Variants in STAT5B observed in about 807,000 individuals in gnomAD.
The protein encoded by STAT5B is transcription factor STAT5B.
A neutral mutation model predicts 107.8 loss-of-function variants in STAT5B; 21 were observed. The observed-to-expected ratio is 0.19, with a 90% confidence interval of 0.14 to 0.28. The LOEUF (loss-of-function observed/expected upper bound fraction) is 0.28, where lower values mean the gene tolerates loss of function less well. Among genes scored for constraint, STAT5B ranks in the 10% least tolerant of loss-of-function variants. The pLI, the probability that STAT5B is intolerant of heterozygous loss-of-function variation, is 1.00. For synonymous variants in STAT5B, 325 were observed against 401.7 expected (o/e 0.81, Z 2.28); for missense variants, 565 against 1,008.2 (o/e 0.56, Z 5.95).
At chr17:42,216,127 G>C (rs1220876899) in intron 11 of STAT5B, 21 bp from the exon 12 acceptor site, 2 of 1,605,874 alleles carry the variant, frequency 1.2e-6, no homozygotes, top group East Asian at 2.2e-5. Flanking sequence ...ACAAGAGAAG[G>C]CTGAGCGCCC....
intron 1 of STAT5B, among the ~76,000 whole-genome samples, chr17:42,239,947 G>A (rs975798095): frequency 2.6e-5 from 4 of 152,132 alleles, no homozygotes; most frequent in Admixed American, 6.5e-5. Flanking sequence ...CCAACATGGC[G>A]AAACCCCATC....
chr17:42,262,883 CATAT>C (rs563375027), intron 1 of STAT5B, among the ~76,000 whole-genome samples: 35 of 106,644 alleles, frequency 3.3e-4, no homozygotes, highest in East Asian at 1.5e-3. Flanking sequence ...TATATATACA[CATAT>C]ATATGTGTGT....
At chr17:42,259,305 G>A (rs1456965142) in intron 1 of STAT5B, among the ~76,000 whole-genome samples, 1 of 152,108 alleles carries the variant, frequency 6.6e-6, no homozygotes, top group Middle Eastern at 3.2e-3. Flanking sequence ...CCTGGCCAGA[G>A]AGGGCTTTTC....
At chr17:42,225,367 A>G (rs988428892) in intron 3 of STAT5B, among the ~76,000 whole-genome samples, 2 of 152,170 alleles carry the variant, frequency 1.3e-5, no homozygotes, top group African/African-American at 4.8e-5. Flanking sequence ...TCCGGGGAAC[A>G]TTCTTAAAAA....
intron 1 of STAT5B, among the ~76,000 whole-genome samples, chr17:42,245,913 C>T (rs1249019117): frequency 6.6e-6 from 1 of 152,216 alleles, no homozygotes; most frequent in Non-Finnish European, 1.5e-5. Context: ...CCCACCTCGG[C>T]CTCCCAAACT....
At chr17:42,203,582 G>T (rs1249230531) in intron 16 of STAT5B, among the ~76,000 whole-genome samples, 2 of 152,110 alleles carry the variant, frequency 1.3e-5, no homozygotes, top group Non-Finnish European at 2.9e-5. Flanking sequence ...GCCAGGAAAA[G>T]AAATGATTTA....
intron 1 of STAT5B, among the ~76,000 whole-genome samples, chr17:42,251,174 G>T (rs1259355572): frequency 6.6e-6 from 1 of 152,094 alleles, no homozygotes; most frequent in African/African-American, 2.4e-5. Flanking sequence ...GGGGGTGGGG[G>T]TTCACCTTCA....
At chr17:42,263,041 T>G (rs1226384634) in intron 1 of STAT5B, among the ~76,000 whole-genome samples, 1 of 128,696 alleles carries the variant, frequency 7.8e-6, no homozygotes, top group Non-Finnish European at 1.6e-5. Flanking sequence ...ATTTTTTTTT[T>G]TTTTTAAAGA....
chr17:42,220,709 G>A (rs964774682), intron 5 of STAT5B, among the ~76,000 whole-genome samples: 3 of 152,150 alleles, frequency 2.0e-5, no homozygotes, highest in African/African-American at 7.2e-5. Context: ...GAGGCCGAAG[G>A]GAGGCGGCTT....
chr17:42,201,670 A>G lies in STAT5B; in HGVS notation c.*68T>C. 3.8e-6 allele frequency: 4 copies of G among 1,043,694 alleles called. No individual in the cohort carries two copies. Among genetic ancestry groups the G allele is most frequent in the Non-Finnish European group, 6.1e-6 (4 of 659,002 alleles). The allele number at this position is 1,043,694 out of a possible 1,614,324, so 64.7% of individuals were successfully genotyped here. A position where few individuals can be genotyped will look rare whatever the true frequency, so the allele number is the denominator to read the frequency against. ...TTTCAAAAGAGAAGCGATTCATGGAATTAAAACATCCACAAGAGTGATTCC... is the reference window on the plus strand; with the variant it reads ...TTTCAAAAGAGAAGCGATTCATGGAGTTAAAACATCCACAAGAGTGATTCC... On this transcript the variant is annotated 3_prime_UTR_variant, in exon 19 of 19. Coordinates refer to ENST00000293328, the MANE Select transcript of STAT5B (RefSeq NM_012448.4).
chr17:42,226,003 C>T (rs775998150), intron 3 of STAT5B, among the ~76,000 whole-genome samples: 15 of 152,150 alleles, frequency 9.9e-5, no homozygotes, highest in Non-Finnish European at 2.1e-4. Flanking sequence ...GGCACGGTCT[C>T]GGCTCACTGC....
intron 1 of STAT5B, among the ~76,000 whole-genome samples, chr17:42,237,309 G>C (rs1252520501): frequency 6.6e-6 from 1 of 152,174 alleles, no homozygotes; most frequent in Non-Finnish European, 1.5e-5. Flanking sequence ...CCATAAAAAT[G>C]AATGTCCACC....
intron 12 of STAT5B, chr17:42,214,374 A>C: frequency 1.0e-6 from 1 of 985,358 alleles, no homozygotes; most frequent in Non-Finnish European, 1.2e-6. Flanking sequence ...CAGTTTCAAA[A>C]AGGAGCTTCT....
At position 42,223,505 on chromosome 17, in the gene STAT5B, G is replaced by T; in HGVS notation, c.427C>A (p.Gln143Lys). 6.2e-7 allele frequency: 1 copy of T among 1,614,160 alleles called. No homozygotes were observed. The highest frequency in any genetic ancestry group is 8.5e-7 in the Non-Finnish European group (1 of 1,180,032). Residue 143 changes from glutamine (Q) to lysine (K), a missense_variant, in exon 5 of 19, where the codon CAG (glutamine) becomes AAG (lysine). Coordinates refer to ENST00000293328, the MANE Select transcript of STAT5B (RefSeq NM_012448.4). ...LADAMSQKHL[Q>K]INQTFEELRL... Reference sequence around the variant, plus strand: ...AGCTCCTCAAACGTCTGGTTGATCTGGAGGTGTTTCTGGGACATGGCATCA... The same window carrying T: ...AGCTCCTCAAACGTCTGGTTGATCTTGAGGTGTTTCTGGGACATGGCATCA...
intron 1 of STAT5B, among the ~76,000 whole-genome samples, chr17:42,241,608 A>G (rs576606645): frequency 1.3e-5 from 2 of 151,924 alleles, no homozygotes; most frequent in South Asian, 2.1e-4. Flanking sequence ...GTGTCTGGCT[A>G]ATTTTTGGAT....
At chr17:42,286,605 G>A in the STAT5B span, among the ~76,000 whole-genome samples, 19 of 152,200 alleles carry the variant, frequency 1.2e-4, no homozygotes, top group African/African-American at 4.6e-4. Flanking sequence ...AGAGCAGGCA[G>A]GACCCCCTCT....
At chr17:42,281,674 G>T (rs1273494654), upstream of STAT5B, among the ~76,000 whole-genome samples, 1 of 152,174 alleles carries the variant, frequency 6.6e-6, no homozygotes, top group African/African-American at 2.4e-5. Context: ...CACCTGGAGA[G>T]TCTCACACAC....
At chr17:42,210,342 T>TA (rs749943637) in intron 14 of STAT5B, 41 bp from the exon 15 acceptor site, 34 of 1,614,052 alleles carry the variant, frequency 2.1e-5, no homozygotes, top group Non-Finnish European at 1.1e-5. Context: ...GAGTGTGACT[T>TA]ACGATGCCAG....
chr17:42,252,126 G>A (rs2080505540), intron 1 of STAT5B, among the ~76,000 whole-genome samples: 1 of 152,092 alleles, frequency 6.6e-6, no homozygotes, highest in South Asian at 2.1e-4. Flanking sequence ...TCAAGAAATA[G>A]ACACTCTGAT....
Sources: gnomAD v4.1 joint callset for allele counts (sites outside exome capture counted in the v4.1 genomes callset) on GRCh38, gnomAD v4.1.1 for gene constraint, MANE v1.5 for transcripts, NCBI Gene and HGNC (gene_info 2026-07-23, HGNC 2026-07-21) for gene names.